SND1: variants seen among roughly 807,000 people sequenced by gnomAD.
SND1 encodes staphylococcal nuclease domain-containing protein 1.
SND1 carries 38 observed loss-of-function variants against 121.7 expected under a neutral mutation model. The ratio of observed to expected loss-of-function variants is 0.31; its 90% CI spans 0.24 to 0.41. SND1 has a LOEUF of 0.41. Among genes scored for constraint, SND1 ranks in the 10% least tolerant of loss-of-function variants. SND1 has a pLI of 1.00. For missense variants in SND1, 868 were observed against 1,184.6 expected (o/e 0.73, Z 3.92); for synonymous variants, 401 against 447.4 (o/e 0.90, Z 1.31).
chr7:127,747,841 C>T lies in SND1; in HGVS notation c.1152+26441C>T, dbSNP rs189472261. ...ACTTGGGTTTTCTCTCCCTCCTTTG[C>T]TTTTTATTTGTCTAGTGTAGGGACA... On this transcript the variant is annotated intron_variant, in intron 10 of 23. Coordinates refer to ENST00000354725, the MANE Select transcript of SND1 (RefSeq NM_014390.4). Among the ~76,000 whole-genome samples the T allele has an allele frequency of 8.5e-3, 1,292 of 152,264 alleles. 12 individuals are homozygous for T. The highest frequency in any genetic ancestry group is 0.013 in the Non-Finnish European group (885 of 68,010).
intron 11 of SND1, among the ~76,000 whole-genome samples, chr7:127,817,952 C>G (rs1322308632): frequency 6.6e-6 from 1 of 151,972 alleles, no homozygotes; most frequent in African/African-American, 2.4e-5. Context: ...TTGACAATGA[C>G]GTCGAGATCC....
intron 10 of SND1, among the ~76,000 whole-genome samples, chr7:127,723,715 G>A (rs1796535435): frequency 6.6e-6 from 1 of 152,168 alleles, no homozygotes; most frequent in Admixed American, 6.5e-5. Flanking sequence ...CAGGAGGAAT[G>A]GCTCTCTAGG....
chr7:128,059,719 T>C lies in SND1; in HGVS notation c.1780-14783T>C, dbSNP rs765311943. ...TACAGGTTTAACCTGCATTTTCTGCTGTTTGTCTGGCCTTGGAAGCTGTCT... is the reference window on the plus strand; with the variant it reads ...TACAGGTTTAACCTGCATTTTCTGCCGTTTGTCTGGCCTTGGAAGCTGTCT... On this transcript the variant is annotated intron_variant, in intron 16 of 23. Transcript: ENST00000354725. Among the ~76,000 whole-genome samples the C allele has an allele frequency of 3.4e-4, 52 of 152,220 alleles. 1 individual carries two copies. The highest frequency in any genetic ancestry group is 7.1e-4 in the Non-Finnish European group (48 of 68,030).
chr7:127,900,308 A>G (rs889631474), intron 13 of SND1, among the ~76,000 whole-genome samples: 4 of 152,206 alleles, frequency 2.6e-5, no homozygotes, highest in African/African-American at 9.6e-5. Context: ...TTTGTTCAGA[A>G]TAACAATCTA....
chr7:127,964,096 G>T (rs1005237916), intron 15 of SND1, among the ~76,000 whole-genome samples: 4 of 148,858 alleles, frequency 2.7e-5, no homozygotes, highest in African/African-American at 7.4e-5. Context: ...CTTTTTGATG[G>T]GGTTGTTTGT....
chr7:127,669,098 T>C (rs1795470543), intron 1 of SND1, among the ~76,000 whole-genome samples: 1 of 152,170 alleles, frequency 6.6e-6, no homozygotes, highest in African/African-American at 2.4e-5. Flanking sequence ...GTTCAAGCGA[T>C]TCTTCTGCGT....
Position 127,858,476 on chromosome 7 carries a change from G to T in SND1, c.1343+14052G>T, listed in dbSNP as rs1310341003. ...TTCCAAGTCTGAGGCCTGGCGTGGG[G>T]TCTCATTTCTAGAGCTTTTACCTGC... On this transcript the variant is annotated intron_variant, in intron 12 of 23. Coordinates refer to ENST00000354725, the MANE Select transcript of SND1 (RefSeq NM_014390.4). 1.3e-5 allele frequency: 8 copies of T among 604,902 alleles called. No homozygotes were observed. The South Asian group carries it at 1.4e-4, about 10-fold the overall frequency. The allele number at this position is 604,902 out of a possible 1,614,324, so 37.5% of individuals were successfully genotyped here. A position where few individuals can be genotyped will look rare whatever the true frequency, so the allele number is the denominator to read the frequency against.
At chr7:127,960,291 G>A (rs924017110) in intron 15 of SND1, among the ~76,000 whole-genome samples, 2 of 152,200 alleles carry the variant, frequency 1.3e-5, no homozygotes, top group African/African-American at 4.8e-5. Context: ...AGTGCATCGT[G>A]TGGGACTACC....
chr7:128,063,259 C>T (rs1046849020), intron 16 of SND1, among the ~76,000 whole-genome samples: 5 of 152,210 alleles, frequency 3.3e-5, no homozygotes, highest in African/African-American at 1.2e-4. Context: ...TGCCTGCACT[C>T]CTGCCTGGAT....
At chr7:128,075,010 C>T (rs1457948812) in intron 17 of SND1, among the ~76,000 whole-genome samples, 7 of 152,200 alleles carry the variant, frequency 4.6e-5, no homozygotes, top group South Asian at 2.1e-4. Context: ...ACAAAATGCC[C>T]GGGGCGCCCC....
intron 15 of SND1, among the ~76,000 whole-genome samples, chr7:127,938,389 A>G (rs897441385): frequency 1.3e-5 from 2 of 152,238 alleles, no homozygotes; most frequent in African/African-American, 2.4e-5. Context: ...CTTTTAGTCT[A>G]GTTATGTAGA....
intron 1 of SND1, 70 bp from the exon 2 acceptor site, chr7:127,686,543 T>C: frequency 6.6e-7 from 1 of 1,513,966 alleles, no homozygotes; most frequent in Non-Finnish European, 9.0e-7. Flanking sequence ...GGGGATACGG[T>C]GGTACACAAC....
chr7:127,746,522 A>G (rs1796985676), intron 10 of SND1, among the ~76,000 whole-genome samples: 1 of 152,182 alleles, frequency 6.6e-6, no homozygotes, highest in African/African-American at 2.4e-5. Context: ...GTAATGTCAC[A>G]GACTCATCAG....
At chr7:127,918,075 CT>C (rs1013895657) in intron 14 of SND1, among the ~76,000 whole-genome samples, 16 of 106,724 alleles carry the variant, frequency 1.5e-4, no homozygotes, top group Admixed American at 2.7e-4. Flanking sequence ...TTTTCTTTTT[CT>C]TTTTTAGACA....
intron 11 of SND1, among the ~76,000 whole-genome samples, chr7:127,830,161 T>C (rs1798712930): frequency 6.6e-6 from 1 of 151,918 alleles, no homozygotes; most frequent in South Asian, 2.1e-4. Context: ...GGTGGGTGGA[T>C]CACATGAGGT....
At chr7:128,033,335 T>TG (rs1017833062) in intron 16 of SND1, among the ~76,000 whole-genome samples, 1 of 152,164 alleles carries the variant, frequency 6.6e-6, no homozygotes, top group African/African-American at 2.4e-5. Context: ...AGCTGAGCCC[T>TG]GGGAAGCCGG....
At position 127,993,378 on chromosome 7, in the gene SND1, A is replaced by C. The variant is rs541922819; in HGVS notation, c.1779+2322A>C. 1.1e-4 allele frequency among the ~76,000 whole-genome samples: 16 copies of C among 152,362 alleles called. No homozygotes were observed. The South Asian group carries it at 2.9e-3, about 28-fold the overall frequency. Reference sequence around the variant, plus strand: ...CCCAACCCCACAAAGATCTAGCAGAAGAGGAAAGTCCCAGTACATTGGTAC... The same window carrying C: ...CCCAACCCCACAAAGATCTAGCAGACGAGGAAAGTCCCAGTACATTGGTAC... On this transcript the variant is annotated intron_variant, in intron 16 of 23. Transcript: ENST00000354725.
At chr7:127,967,641 G>A (rs537539347) in intron 15 of SND1, among the ~76,000 whole-genome samples, 1 of 152,234 alleles carries the variant, frequency 6.6e-6, no homozygotes, top group African/African-American at 2.4e-5. Flanking sequence ...ATGCTCTTTA[G>A]AATCCAAAGT....
chr7:128,048,039 G>T (rs891916992), intron 16 of SND1, among the ~76,000 whole-genome samples: 7 of 151,998 alleles, frequency 4.6e-5, no homozygotes, highest in African/African-American at 1.7e-4. Context: ...GTAGAGACAG[G>T]GTTTCACCAT....
Sources: allele counts gnomAD v4.1 joint callset (sites outside exome capture counted in the v4.1 genomes callset), GRCh38; gene constraint gnomAD v4.1.1; transcripts MANE v1.5; gene names NCBI Gene and HGNC (gene_info 2026-07-23, HGNC 2026-07-21).